LRBA: variants seen among roughly 807,000 people sequenced by gnomAD.
LRBA encodes LPS responsive beige-like anchor protein, also known as lipopolysaccharide-responsive and beige-like anchor protein.
In LRBA, 176 loss-of-function variants were observed where a neutral mutation model predicts 330.0. The ratio of observed to expected loss-of-function variants is 0.53; its 90% CI spans 0.47 to 0.60. LRBA has a LOEUF of 0.60. Among genes scored for constraint, LRBA ranks in the 20% least tolerant of loss-of-function variants. The probability of loss-of-function intolerance (pLI) is 0.00; values close to 1 mark genes in which losing one functional copy is unlikely to be tolerated. For missense variants in LRBA, 3,259 were observed against 3,444.8 expected (o/e 0.95, Z 1.35); for synonymous variants, 1,230 against 1,193.0 (o/e 1.03, Z -0.64).
At chr4:150,702,405 G>A (rs552493249) in intron 36 of LRBA, among the ~76,000 whole-genome samples, 5 of 152,200 alleles carry the variant, frequency 3.3e-5, no homozygotes, top group Non-Finnish European at 4.4e-5. Context: ...AAATATTCAA[G>A]GTGTAGTTTC....
chr4:150,870,854 G>T (rs1418528293), intron 19 of LRBA, among the ~76,000 whole-genome samples: 2 of 152,134 alleles, frequency 1.3e-5, no homozygotes, highest in African/African-American at 4.8e-5. Flanking sequence ...CATTTAAACA[G>T]AAATAACGAT....
intron 35 of LRBA, among the ~76,000 whole-genome samples, chr4:150,736,543 G>A (rs1239607094): frequency 2.0e-5 from 3 of 152,020 alleles, no homozygotes; most frequent in African/African-American, 7.2e-5. Context: ...ATGACAACTA[G>A]ACTGAAACAT....
Position 150,989,011 on chromosome 4 carries a change from T to G in LRBA, c.216+25416A>C, listed in dbSNP as rs980262164. 2.6e-5 allele frequency among the ~76,000 whole-genome samples: 4 copies of G among 151,978 alleles called. No individual in the cohort carries two copies. The East Asian group carries it at 5.8e-4, about 22-fold the overall frequency. On this transcript the variant is annotated intron_variant, in intron 2 of 56. Coordinates refer to ENST00000651943, the MANE Select transcript of LRBA (RefSeq NM_001364905.1). The stretch of plus-strand genomic sequence containing the variant: ...AAGTGTTTGTTTTTTTGTTGTTGTT[T>G]TTTTGTTTTGAGACAGAGTCTCACT...
chr4:150,404,675 T>C (rs1745944668), intron 47 of LRBA, among the ~76,000 whole-genome samples: 2 of 152,064 alleles, frequency 1.3e-5, no homozygotes, highest in South Asian at 4.1e-4. Context: ...TATTAGACAA[T>C]CCTTTTCAAT....
intron 53 of LRBA, among the ~76,000 whole-genome samples, chr4:150,300,737 G>C (rs1198705142): frequency 2.0e-5 from 3 of 152,078 alleles, no homozygotes; most frequent in Non-Finnish European, 4.4e-5. Flanking sequence ...ATATTTAAAT[G>C]TATACATATA....
intron 46 of LRBA, among the ~76,000 whole-genome samples, chr4:150,426,138 G>A (rs531203340): frequency 1.5e-4 from 23 of 152,044 alleles, no homozygotes; most frequent in African/African-American, 4.6e-4. Context: ...ATTTATAATA[G>A]TTATTTTAAA....
At chr4:150,757,008 GCTCATAA>G (rs1290574113) in intron 35 of LRBA, among the ~76,000 whole-genome samples, 1 of 151,784 alleles carries the variant, frequency 6.6e-6, no homozygotes, top group Non-Finnish European at 1.5e-5. Flanking sequence ...CAATGTTCTT[GCTCATAA>G]CTTGTGAAAA....
chr4:150,595,626 T>A (rs1035988104), intron 38 of LRBA, among the ~76,000 whole-genome samples: 1 of 151,976 alleles, frequency 6.6e-6, no homozygotes, highest in Non-Finnish European at 1.5e-5. Context: ...ATTTTTTACA[T>A]GTCTTTAATT....
At chr4:150,530,889 G>A (rs1195102814) in intron 40 of LRBA, among the ~76,000 whole-genome samples, 2 of 152,134 alleles carry the variant, frequency 1.3e-5, no homozygotes, top group Non-Finnish European at 2.9e-5. Context: ...TACACATAGG[G>A]AAGCTCAGAA....
intron 31 of LRBA, among the ~76,000 whole-genome samples, chr4:150,814,609 T>C (rs958135845): frequency 6.7e-6 from 1 of 149,186 alleles, no homozygotes; most frequent in Non-Finnish European, 1.5e-5. Flanking sequence ...AGACTTGAAA[T>C]AACTGAAAAA....
chr4:150,972,401 T>C (rs1739680271), intron 2 of LRBA, among the ~76,000 whole-genome samples: 1 of 152,012 alleles, frequency 6.6e-6, no homozygotes, highest in South Asian at 2.1e-4. Flanking sequence ...AAATAGTACT[T>C]AACAAGAAAA....
intron 37 of LRBA, among the ~76,000 whole-genome samples, chr4:150,660,873 T>C (rs1192636436): frequency 3.4e-5 from 4 of 117,204 alleles, no homozygotes; most frequent in African/African-American, 6.7e-5. Context: ...GAAGGCAGCA[T>C]GCTCGTTAAG....
chr4:150,488,423 T>G (rs1166138400), intron 41 of LRBA, among the ~76,000 whole-genome samples: 1 of 151,658 alleles, frequency 6.6e-6, no homozygotes, highest in Non-Finnish European at 1.5e-5. Flanking sequence ...CAATGTGTGA[T>G]CTGAAGGAAC....
chr4:150,374,387 G>A (rs1291708523), intron 47 of LRBA, among the ~76,000 whole-genome samples: 1 of 152,168 alleles, frequency 6.6e-6, no homozygotes, highest in African/African-American at 2.4e-5. Flanking sequence ...CAAAAGGAAT[G>A]GGCATAGTTC....
At chr4:150,683,474 T>C in intron 37 of LRBA, 77 bp downstream of exon 37, 5 of 1,118,636 alleles carry the variant, frequency 4.5e-6, no homozygotes, top group Non-Finnish European at 6.6e-6. Context: ...CTGGCTTTGA[T>C]CATATCCAAA....
At chr4:150,525,901 G>C (rs947668731) in intron 40 of LRBA, among the ~76,000 whole-genome samples, 9 of 151,692 alleles carry the variant, frequency 5.9e-5, no homozygotes, top group Non-Finnish European at 1.2e-4. Context: ...CTTCAATCTT[G>C]CTATTAGAAG....
chr4:150,324,439 AC>A (rs1446555059), intron 49 of LRBA, among the ~76,000 whole-genome samples: 3 of 152,294 alleles, frequency 2.0e-5, no homozygotes, highest in East Asian at 1.9e-4. Context: ...TGATTTAAAA[AC>A]ATGTAGGGGA....
At chr4:150,422,340 C>G (rs1277932049) in intron 46 of LRBA, among the ~76,000 whole-genome samples, 2 of 152,148 alleles carry the variant, frequency 1.3e-5, no homozygotes, top group Admixed American at 6.5e-5. Flanking sequence ...CTTTCTTTTT[C>G]CTTGCCCCAT....
chr4:150,958,160 C>T (rs1737741948), intron 2 of LRBA, among the ~76,000 whole-genome samples: 1 of 149,046 alleles, frequency 6.7e-6, no homozygotes, highest in South Asian at 2.1e-4. Flanking sequence ...CAGAGGTTCT[C>T]TGTGAGGGCT....
Sources: allele counts gnomAD v4.1 joint callset (sites outside exome capture counted in the v4.1 genomes callset), GRCh38; gene constraint gnomAD v4.1.1; transcripts MANE v1.5; gene names NCBI Gene and HGNC (gene_info 2026-07-23, HGNC 2026-07-21).